The following LNX1 variants were observed in gnomAD, a reference collection of about 807,000 sequenced individuals.
The protein encoded by LNX1 is ligand of numb-protein X 1.
Under a neutral mutation model 68.4 loss-of-function variants are expected in LNX1, and 54 were observed. The ratio of observed to expected loss-of-function variants is 0.79; its 90% CI spans 0.63 to 0.99. LNX1 has a LOEUF of 0.99. Among genes scored for constraint, LNX1 ranks in the 50% least tolerant of loss-of-function variants. The probability of loss-of-function intolerance (pLI) is 0.00; values close to 1 mark genes in which losing one functional copy is unlikely to be tolerated. For missense variants in LNX1, 906 were observed against 926.4 expected (o/e 0.98, Z 0.29); for synonymous variants, 336 against 350.0 (o/e 0.96, Z 0.45).
intron 2 of LNX1, among the ~76,000 whole-genome samples, chr4:53,510,325 G>A (rs1044714038): frequency 6.6e-6 from 1 of 152,190 alleles, no homozygotes; most frequent in African/African-American, 2.4e-5. Context: ...CTTCTTTGCT[G>A]TTATATGAAC....
chr4:53,591,390 C>A lies in LNX1; in HGVS notation c.-89G>T. ...AAAAATGGAGGGTTTCAACTCACCT[C>A]TTCAAGCGACTGTCTGGGGCTCTCC... On this transcript the variant is annotated splice_region_variant and 5_prime_UTR_variant, in exon 1 of 11. Transcript: ENST00000263925. The A allele has an allele frequency of 3.0e-6, 3 of 985,576 alleles. No homozygotes were observed. The highest frequency in any genetic ancestry group is 3.6e-6 in the Non-Finnish European group (3 of 830,072). The allele number at this position is 985,576 out of a possible 1,614,324, so 61.1% of individuals were successfully genotyped here.
intron 2 of LNX1, among the ~76,000 whole-genome samples, chr4:53,522,555 G>C (rs1284625466): frequency 3.3e-5 from 5 of 152,168 alleles, no homozygotes; most frequent in Admixed American, 1.3e-4. Context: ...GGTTGAGCCT[G>C]TTTTACTAGA....
chr4:53,542,565 A>G (rs189993350), intron 2 of LNX1, among the ~76,000 whole-genome samples: 1 of 152,310 alleles, frequency 6.6e-6, no homozygotes, highest in Non-Finnish European at 1.5e-5. Context: ...TTTATGGATG[A>G]CACTGAGGTG....
chr4:53,559,905 TCCTG>T (rs1730163817), intron 2 of LNX1, among the ~76,000 whole-genome samples: 1 of 152,130 alleles, frequency 6.6e-6, no homozygotes, highest in South Asian at 2.1e-4. Context: ...CAAGCAATAT[TCCTG>T]CCTCAACCTT....
chr4:53,552,123 C>A (rs1445638590), intron 2 of LNX1, among the ~76,000 whole-genome samples: 1 of 152,168 alleles, frequency 6.6e-6, no homozygotes, highest in Non-Finnish European at 1.5e-5. Context: ...CTGGAAAGAG[C>A]GCATCATTTC....
intron 2 of LNX1, among the ~76,000 whole-genome samples, chr4:53,535,781 T>C (rs1248865900): frequency 5.3e-5 from 8 of 152,228 alleles, no homozygotes; most frequent in Non-Finnish European, 1.0e-4. Context: ...TCCTCATTCA[T>C]AGTAATTCAA....
intron 9 of LNX1, among the ~76,000 whole-genome samples, chr4:53,467,462 T>C (rs1722773738): frequency 6.6e-6 from 1 of 152,068 alleles, no homozygotes; most frequent in Admixed American, 6.5e-5. Context: ...ATGCAGCTCC[T>C]CACCAGCAAT....
intron 2 of LNX1, among the ~76,000 whole-genome samples, chr4:53,609,170 A>G (rs1225902844): frequency 6.6e-6 from 1 of 152,084 alleles, no homozygotes; most frequent in East Asian, 1.9e-4. Context: ...AGGACTCCCG[A>G]TGTTTATTAC....
At chr4:53,620,745 G>A (rs1219798774), upstream of LNX1, among the ~76,000 whole-genome samples, 5 of 151,806 alleles carry the variant, frequency 3.3e-5, no homozygotes, top group Non-Finnish European at 7.4e-5. Context: ...AATGTATGAA[G>A]GAAAAAAAAG....
chr4:53,472,486 A>G (rs1277425494), intron 9 of LNX1, among the ~76,000 whole-genome samples: 1 of 152,128 alleles, frequency 6.6e-6, no homozygotes, highest in Non-Finnish European at 1.5e-5. Flanking sequence ...TTAAAGTATA[A>G]TAAAAAAAAG....
At chr4:53,606,275 T>TA (rs2109841830) in intron 2 of LNX1, among the ~76,000 whole-genome samples, 1 of 151,610 alleles carries the variant, frequency 6.6e-6, no homozygotes, top group South Asian at 2.1e-4. Flanking sequence ...CACAGAAATA[T>TA]AAAAAACCCT....
chr4:53,512,595 A>G (rs959418833), intron 2 of LNX1, among the ~76,000 whole-genome samples: 10 of 152,116 alleles, frequency 6.6e-5, no homozygotes, highest in African/African-American at 2.2e-4. Context: ...ATCCAAGTCC[A>G]AAAATGAGAC....
intron 2 of LNX1, among the ~76,000 whole-genome samples, chr4:53,548,075 C>A (rs2109686098): frequency 6.7e-6 from 1 of 150,244 alleles, no homozygotes; most frequent in Non-Finnish European, 1.5e-5. Context: ...TCAGAGAAAG[C>A]TGGAAGGGCG....
intron 1 of LNX1, among the ~76,000 whole-genome samples, chr4:53,628,932 A>G (rs541900233): frequency 1.2e-4 from 19 of 152,198 alleles, no homozygotes; most frequent in Non-Finnish European, 2.5e-4. Flanking sequence ...CTATGGATAC[A>G]CAAGGGCATA....
At chr4:53,512,574 C>T (rs1439430704) in intron 2 of LNX1, among the ~76,000 whole-genome samples, 1 of 151,730 alleles carries the variant, frequency 6.6e-6, no homozygotes, top group Non-Finnish European at 1.5e-5. Context: ...TTTGCCCTGG[C>T]CCCATTTCTG....
intron 1 of LNX1, among the ~76,000 whole-genome samples, chr4:53,633,374 T>C (rs1734348150): frequency 6.6e-6 from 1 of 152,230 alleles, no homozygotes; most frequent in Non-Finnish European, 1.5e-5. Flanking sequence ...TCTCTTCTCC[T>C]TTTTATATCT....
intron 2 of LNX1, among the ~76,000 whole-genome samples, chr4:53,598,288 A>G (rs1732846788): frequency 1.3e-5 from 2 of 150,718 alleles, no homozygotes; most frequent in African/African-American, 4.9e-5. Flanking sequence ...GCTGGAGTGC[A>G]GTGGCACAAT....
Position 53,476,945 on chromosome 4 carries a change from G to C in LNX1, c.1700C>G (p.Thr567Arg). The C allele has an allele frequency of 6.2e-7, 1 of 1,614,166 alleles. No homozygotes were observed. The highest frequency in any genetic ancestry group is 8.5e-7 in the Non-Finnish European group (1 of 1,180,024). Reference protein sequence around the residue: ...ILLNVDGVELTEVSRSEAVAL... With the variant: ...ILLNVDGVELREVSRSEAVAL... ...CACTGCCTCACTCCGGCTGACCTCTGTCAGTTCGACCCCATCCACATTCAA... is the reference window on the plus strand; with the variant it reads ...CACTGCCTCACTCCGGCTGACCTCTCTCAGTTCGACCCCATCCACATTCAA... Residue 567 changes from threonine to arginine, a missense_variant, in exon 9 of 11, where the codon ACA (threonine) becomes AGA (arginine). Thr to Arg is a moderately conservative substitution (Grantham distance 71). Coordinates refer to ENST00000263925, the MANE Select transcript of LNX1 (RefSeq NM_001126328.3).
At chr4:53,570,997 A>C (rs1016763122) in intron 2 of LNX1, among the ~76,000 whole-genome samples, 1 of 151,562 alleles carries the variant, frequency 6.6e-6, no homozygotes, top group African/African-American at 2.4e-5. Flanking sequence ...ACTGCACTCC[A>C]ACCTGGGCGA....
Sources: gnomAD v4.1 joint callset for allele counts (sites outside exome capture counted in the v4.1 genomes callset) on GRCh38, gnomAD v4.1.1 for gene constraint, MANE v1.5 for transcripts, NCBI Gene and HGNC (gene_info 2026-07-23, HGNC 2026-07-21) for gene names.